The following RADX variants were observed in gnomAD, a reference collection of about 807,000 sequenced individuals.
RADX encodes the protein RPA1 related single stranded DNA binding protein, X-linked.
RADX carries 36 observed loss-of-function variants against 61.6 expected under a neutral mutation model. That is an observed-to-expected ratio of 0.58 (90% CI 0.45 to 0.77). The LOEUF (loss-of-function observed/expected upper bound fraction) is 0.77, where lower values mean the gene tolerates loss of function less well. Among genes scored for constraint, RADX ranks in the 30% least tolerant of loss-of-function variants. The pLI is 0.00. For missense variants in RADX, 497 were observed against 651.1 expected (o/e 0.76, Z 2.58); for synonymous variants, 272 against 237.9 (o/e 1.14, Z -1.32).
intron 11 of RADX, among the ~76,000 whole-genome samples, chrX:106,656,214 G>A (rs191670260): frequency 7.4e-4 from 83 of 111,971 alleles, no homozygotes; most frequent in Non-Finnish European, 1.1e-3. Flanking sequence ...GCAACTCTTC[G>A]TCCATTCAAG....
intron 1 of RADX, among the ~76,000 whole-genome samples, chrX:106,621,567 A>T (rs1372442563): frequency 1.8e-5 from 2 of 112,329 alleles, no homozygotes; most frequent in Non-Finnish European, 3.8e-5. Flanking sequence ...AAGTTGATGA[A>T]TAGCTTTTTA....
chrX:106,649,200 A>G (rs1405045928), intron 11 of RADX, among the ~76,000 whole-genome samples: 2 of 111,487 alleles, frequency 1.8e-5, no homozygotes, highest in Admixed American at 1.9e-4. Flanking sequence ...ACTTTGTCCA[A>G]AAGTTTCAAT....
chrX:106,678,664 A>C lies in RADX; in HGVS notation c.*406A>C, dbSNP rs1329423001. 1 of 115,303 alleles carries C rather than the reference A, an allele frequency of 8.7e-6. No homozygotes were observed. Among genetic ancestry groups the C allele is most frequent in the Non-Finnish European group, 1.8e-5 (1 of 55,289 alleles). 9.5% of individuals were successfully genotyped at this position (115,303 alleles called of 1,213,427 possible). A position where few individuals can be genotyped will look rare whatever the true frequency, so the allele number is the denominator to read the frequency against. On this transcript the variant is annotated 3_prime_UTR_variant, in exon 14 of 14. Coordinates refer to ENST00000372548, the MANE Select transcript of RADX (RefSeq NM_018015.6). ...CAATTTTATTCACATATAATGGGAA[A>C]TTTTGAATTGCCAGTTTGAAGACTG... is the stretch of plus-strand genomic sequence containing the variant.
intron 12 of RADX, among the ~76,000 whole-genome samples, chrX:106,666,325 C>A (rs2147640944): frequency 8.9e-6 from 1 of 112,174 alleles, no homozygotes; most frequent in South Asian, 3.7e-4. Context: ...TTTCATTTGA[C>A]TTAGATAATT....
At chrX:106,642,393 C>G (rs905242510) in intron 10 of RADX, among the ~76,000 whole-genome samples, 12 of 111,274 alleles carry the variant, frequency 1.1e-4, no homozygotes, top group African/African-American at 3.6e-4. Flanking sequence ...GTCTTCACTT[C>G]CCCGCACCCC....
At chrX:106,673,700 C>T (rs1028623828) in intron 13 of RADX, among the ~76,000 whole-genome samples, 41 of 104,607 alleles carry the variant, frequency 3.9e-4, no homozygotes, top group Non-Finnish European at 6.8e-4. Context: ...ACACACACAC[C>T]GCCCCTGGTA....
At chrX:106,647,973 G>A (rs1603050365) in intron 10 of RADX, among the ~76,000 whole-genome samples, 1 of 110,359 alleles carries the variant, frequency 9.1e-6, no homozygotes, top group Non-Finnish European at 1.9e-5. Flanking sequence ...TCTGTGGGTT[G>A]TCTCTTCACT....
chrX:106,674,149 G>A (rs1403077612), intron 13 of RADX, among the ~76,000 whole-genome samples: 3 of 110,887 alleles, frequency 2.7e-5, no homozygotes, highest in Non-Finnish European at 5.7e-5. Flanking sequence ...TGATTCACAT[G>A]AAGGTGTTTT....
chrX:106,638,487 C>A (rs1927419688), intron 8 of RADX: 1 of 110,942 alleles, frequency 9.0e-6, no homozygotes, highest in African/African-American at 3.3e-5. Context: ...TGGTCTCGAT[C>A]TCCTGACCTC....
intron 10 of RADX, 23 bp downstream of exon 10, chrX:106,640,744 A>G (rs1435471187): frequency 1.9e-6 from 2 of 1,046,729 alleles, no homozygotes; most frequent in South Asian, 2.5e-5. Flanking sequence ...TATTAAGTAT[A>G]TGTAAAGTAT....
Position 106,612,004 on chromosome X carries a change from G to T in RADX, c.-77G>T, listed in dbSNP as rs1161465380. The T allele has an allele frequency of 1.9e-6, 2 of 1,072,950 alleles. No homozygotes were observed. Among genetic ancestry groups the T allele is most frequent in the Non-Finnish European group, 2.5e-6 (2 of 798,154 alleles). The allele number at this position is 1,072,950 out of a possible 1,213,427, so 88.4% of individuals were successfully genotyped here. A position where few individuals can be genotyped will look rare whatever the true frequency, so the allele number is the denominator to read the frequency against. The stretch of plus-strand genomic sequence containing the variant: ...GCAGAGTAGCGATCGTCGCCAAAGC[G>T]CGCGGTTTTATTTCTCTCCGCTTTG... On this transcript the variant is annotated 5_prime_UTR_variant, in exon 1 of 14. Coordinates refer to ENST00000372548, the MANE Select transcript of RADX (RefSeq NM_018015.6).
At chrX:106,621,553 C>A (rs1234360766) in intron 1 of RADX, among the ~76,000 whole-genome samples, 3 of 112,088 alleles carry the variant, frequency 2.7e-5, no homozygotes, top group Non-Finnish European at 5.6e-5. Context: ...CAAATTAATT[C>A]TTTAAGTTGA....
In RADX at chrX:106,640,225, T is replaced by C. The variant is rs750869193; in HGVS notation, c.1735-327T>C. Among the ~76,000 whole-genome samples, 27 of 111,315 alleles carry C rather than the reference T, an allele frequency of 2.4e-4. No homozygotes were observed. The East Asian group carries it at 7.7e-3, about 32-fold the overall frequency. On this transcript the variant is annotated intron_variant, in intron 9 of 13. Transcript: ENST00000372548. ...ATTATAGAAGATGCCAGTTCTGGAATATTGGCACAATCAAGACAAGTTAAT... is the reference window on the plus strand; with the variant it reads ...ATTATAGAAGATGCCAGTTCTGGAACATTGGCACAATCAAGACAAGTTAAT...
chrX:106,657,251 T>G (rs1927963787), intron 11 of RADX, among the ~76,000 whole-genome samples: 1 of 112,219 alleles, frequency 8.9e-6, no homozygotes, highest in Non-Finnish European at 1.9e-5. Flanking sequence ...GCTTCCTCAC[T>G]TATCTTAGCC....
intron 1 of RADX, among the ~76,000 whole-genome samples, chrX:106,614,646 C>T (rs1183203644): frequency 4.5e-5 from 5 of 111,281 alleles, no homozygotes; most frequent in Non-Finnish European, 9.4e-5. Context: ...ATGAGAATGC[C>T]CATTTCCCCA....
intron 13 of RADX, among the ~76,000 whole-genome samples, chrX:106,676,898 T>G (rs1368296949): frequency 9.0e-6 from 1 of 111,534 alleles, no homozygotes; most frequent in Non-Finnish European, 1.9e-5. Flanking sequence ...TGTGGCCTTC[T>G]TGATTCCCCG....
At chrX:106,645,875 T>G (rs778033686) in intron 10 of RADX, among the ~76,000 whole-genome samples, 34 of 111,401 alleles carry the variant, frequency 3.1e-4, no homozygotes, top group Non-Finnish European at 1.5e-4. Flanking sequence ...TATTATTGTA[T>G]TGCGGCCTAT....
At position 106,633,033 on chromosome X, in the gene RADX, T is replaced by G; in HGVS notation, c.1180+10T>G. 8.4e-7 allele frequency: 1 copy of G among 1,196,887 alleles called. No homozygotes were observed. The highest frequency in any genetic ancestry group is 3.0e-5 in the East Asian group (1 of 33,773). On this transcript the variant is annotated intron_variant, in intron 5 of 13. Coordinates refer to ENST00000372548, the MANE Select transcript of RADX (RefSeq NM_018015.6). ...CGGTCAAAAAAGAAAGGTAAGCTTT[T>G]AAAATTGAAAATCATAAAAAGTATT...
At position 106,636,630 on chromosome X, in the gene RADX, G is replaced by A. The variant is rs749829513; in HGVS notation, c.1391G>A (p.Ser464Asn). 1 of 1,158,487 alleles carries A rather than the reference G, an allele frequency of 8.6e-7. No homozygotes were observed. Among genetic ancestry groups the A allele is most frequent in the South Asian group, 1.9e-5 (1 of 53,149 alleles). ...KLLYLTTTNE[S>N]GVFITGHRGQ... ...CTTTACCTCACCACTACAAATGAGAGTGGAGTGTTTATTACTGGTGAGTAA... is the reference window on the plus strand; with the variant it reads ...CTTTACCTCACCACTACAAATGAGAATGGAGTGTTTATTACTGGTGAGTAA... The change falls in exon 7 of 14, where the codon AGT becomes AAT. Residue 464 changes from serine to asparagine, a missense_variant. Coordinates refer to ENST00000372548, the MANE Select transcript of RADX (RefSeq NM_018015.6).
Sources: gnomAD v4.1 joint callset for allele counts (sites outside exome capture counted in the v4.1 genomes callset) on GRCh38, gnomAD v4.1.1 for gene constraint, MANE v1.5 for transcripts, NCBI Gene and HGNC (gene_info 2026-07-23, HGNC 2026-07-21) for gene names.